The following ATP10D variants were observed in gnomAD, a reference collection of about 807,000 sequenced individuals.
ATP10D encodes ATPase phospholipid transporting 10D (putative).
ATP10D carries 89 observed loss-of-function variants against 144.8 expected under a neutral mutation model. The observed-to-expected ratio is 0.61, with a 90% CI of 0.52 to 0.73. ATP10D has a LOEUF of 0.73. Ranked by LOEUF, ATP10D falls within the 30% of genes least tolerant of loss-of-function variation. The pLI is 0.00. For missense variants in ATP10D, 1,603 were observed against 1,714.8 expected, an observed-to-expected ratio of 0.93 and a Z score of 1.15; for synonymous variants, 571 against 615.1, an observed-to-expected ratio of 0.93 and a Z score of 1.06.
intron 15 of ATP10D, among the ~76,000 whole-genome samples, chr4:47,566,329 TGCATTGGAATATACAAAG>T (rs1442896975): frequency 5.9e-5 from 9 of 152,232 alleles, no homozygotes; most frequent in Non-Finnish European, 1.0e-4. Flanking sequence ...AACTAGTTAC[TGCATTGGAATATACAAAG>T]GCCTTTCAGG....
chr4:47,524,087 C>T (rs931470273), intron 4 of ATP10D, among the ~76,000 whole-genome samples: 10 of 152,038 alleles, frequency 6.6e-5, no homozygotes, highest in East Asian at 3.9e-4. Context: ...CCACCATGCC[C>T]GGCTAATTTT....
intron 1 of ATP10D, among the ~76,000 whole-genome samples, chr4:47,495,969 T>C (rs4254744): frequency 0.76 from 114,931 of 151,644 alleles, 44,012 homozygotes; most frequent in Non-Finnish European, 0.8. Context: ...ACTCCTGACC[T>C]GAGGTGATCT....
In ATP10D at chr4:47,536,117, G is replaced by C. The variant is rs532511637; in HGVS notation, c.1015+84G>C. ...TTCAAAATTATATCTGTGAATATTT[G>C]ACTTTGGTAAGGTGGATTTTGTCAG... On this transcript the variant is annotated intron_variant, in intron 7 of 22. Coordinates refer to ENST00000273859, the MANE Select transcript of ATP10D (RefSeq NM_020453.4). 8 of 1,485,096 alleles carry C rather than the reference G, an allele frequency of 5.4e-6. No homozygotes were observed. The South Asian group carries it at 9.1e-5, about 17-fold the overall frequency. The allele number at this position is 1,485,096 out of a possible 1,614,324, so 92.0% of individuals were successfully genotyped here.
At chr4:47,559,965 A>C (rs887639371) in intron 13 of ATP10D, among the ~76,000 whole-genome samples, 3 of 152,124 alleles carry the variant, frequency 2.0e-5, no homozygotes, top group African/African-American at 7.2e-5. Flanking sequence ...GCGCCACTGC[A>C]CTCCAGCCTG....
rs565083962 is a variant in ATP10D, at chr4:47,574,704, A to G, written c.3366+1707A>G. On this transcript the variant is annotated intron_variant, in intron 18 of 22. Transcript: ENST00000273859. ...GATCAAGAAATTCAAAATCTAGTCTAAGGATTGTGGCCCTTGTCCTGAGGT... is the reference window on the plus strand; with the variant it reads ...GATCAAGAAATTCAAAATCTAGTCTGAGGATTGTGGCCCTTGTCCTGAGGT... 2.1e-4 allele frequency among the ~76,000 whole-genome samples: 32 copies of G among 152,268 alleles called. No individual in the cohort carries two copies. In the South Asian group the frequency reaches 6.6e-3, roughly 32 times the overall value.
chr4:47,560,529 C>A (rs1337594294), intron 13 of ATP10D, among the ~76,000 whole-genome samples: 1 of 152,086 alleles, frequency 6.6e-6, no homozygotes, highest in Non-Finnish European at 1.5e-5. Context: ...AAAAAAACAT[C>A]AAAAGGTATG....
chr4:47,562,135 C>T (rs1719347308), intron 14 of ATP10D, among the ~76,000 whole-genome samples: 1 of 152,084 alleles, frequency 6.6e-6, no homozygotes, highest in Non-Finnish European at 1.5e-5. Flanking sequence ...TAGTTATTAT[C>T]CTAATTTAGG....
At chr4:47,578,710 T>A (rs1720360258) in intron 19 of ATP10D, among the ~76,000 whole-genome samples, 1 of 152,204 alleles carries the variant, frequency 6.6e-6, no homozygotes, top group African/African-American at 2.4e-5. Context: ...TGGATTGGGC[T>A]TCTGCTGAGA....
Position 47,512,790 on chromosome 4 carries a change from C to A in ATP10D, c.250C>A (p.Leu84Met). 1 of 1,604,266 alleles carries A rather than the reference C, an allele frequency of 6.2e-7. No homozygotes were observed. Among genetic ancestry groups the A allele is most frequent in the Non-Finnish European group, 8.5e-7 (1 of 1,172,022 alleles). ...NRIRTTKYTL[L>M]NFVPRNLFEQ... is the part of the protein sequence containing the mutation. ...AATACGAACAACAAAGTACACACTT[C>A]TGAATTTTGTGCCAAGAAATTTATT... The change falls in exon 2 of 23, where the codon CTG (leucine) becomes ATG (methionine). Residue 84 changes from leucine (L) to methionine (M), a missense_variant. Physicochemically the swap from Leu to Met is conservative, Grantham distance 15 (BLOSUM62 2). Coordinates refer to ENST00000273859, the MANE Select transcript of ATP10D (RefSeq NM_020453.4).
chr4:47,491,838 G>A (rs1320940071), intron 1 of ATP10D, among the ~76,000 whole-genome samples: 3 of 151,850 alleles, frequency 2.0e-5, no homozygotes, highest in Non-Finnish European at 4.4e-5. Flanking sequence ...CTCTGACCTC[G>A]TACCATGCTT....
At chr4:47,530,551 G>A (rs1717513980) in intron 5 of ATP10D, among the ~76,000 whole-genome samples, 2 of 152,084 alleles carry the variant, frequency 1.3e-5, no homozygotes, top group African/African-American at 2.4e-5. Context: ...CCACCTCCTG[G>A]TTCAAGCAAC....
At chr4:47,537,128 A>G (rs892366081) in intron 9 of ATP10D, among the ~76,000 whole-genome samples, 190 bp downstream of exon 9, 1 of 152,188 alleles carries the variant, frequency 6.6e-6, no homozygotes, top group Admixed American at 6.6e-5. Context: ...CAAGGAGTCT[A>G]CTGCCATGGT....
In ATP10D at chr4:47,558,135, C is replaced by T; in HGVS notation, c.2296C>T (p.Leu766Phe). Residue 766 changes from leucine (L) to phenylalanine (F), a missense_variant, in exon 12 of 23, where the codon CTC (leucine) becomes TTC (phenylalanine). Leu to Phe is a conservative substitution (Grantham distance 22, BLOSUM62 0). Coordinates refer to ENST00000273859, the MANE Select transcript of ATP10D (RefSeq NM_020453.4). ...FAALGPLTFQ[L>F]LHILPFDSVR... ...TGCTTTGGGACCATTAACATTTCAACTCCTACACATCCTGCCCTTTGACTC... is the reference window on the plus strand; with the variant it reads ...TGCTTTGGGACCATTAACATTTCAATTCCTACACATCCTGCCCTTTGACTC... The T allele has an allele frequency of 1.2e-6, 2 of 1,614,218 alleles. No homozygotes were observed. The highest frequency in any genetic ancestry group is 1.7e-6 in the Non-Finnish European group (2 of 1,180,032).
chr4:47,587,317 A>G, intron 22 of ATP10D, 111 bp downstream of exon 22: 1 of 975,158 alleles, frequency 1.0e-6, no homozygotes, highest in Non-Finnish European at 1.5e-6. Context: ...TAGTAGTGAG[A>G]AAGTCAATTT....
intron 16 of ATP10D, among the ~76,000 whole-genome samples, chr4:47,569,504 A>G (rs1227344789): frequency 6.6e-6 from 1 of 152,184 alleles, no homozygotes; most frequent in East Asian, 1.9e-4. Flanking sequence ...ATGAGAATTC[A>G]TTTCTTTATC....
chr4:47,530,493 A>G (rs1429064607), intron 5 of ATP10D, among the ~76,000 whole-genome samples: 2 of 151,778 alleles, frequency 1.3e-5, no homozygotes, highest in Non-Finnish European at 1.5e-5. Context: ...GTCTCACTCT[A>G]TTTCCCAGGC....
chr4:47,574,983 G>GT (rs1160481094), intron 18 of ATP10D, among the ~76,000 whole-genome samples: 2 of 151,516 alleles, frequency 1.3e-5, no homozygotes, highest in African/African-American at 2.4e-5. Flanking sequence ...GTTTGGTTTG[G>GT]TTTTTTTTGC....
chr4:47,513,244 C>T (rs772264797), intron 2 of ATP10D, among the ~76,000 whole-genome samples: 2 of 152,102 alleles, frequency 1.3e-5, no homozygotes, highest in African/African-American at 2.4e-5. Flanking sequence ...GAAGCCAGTG[C>T]AGATGTCAGA....
intron 18 of ATP10D, among the ~76,000 whole-genome samples, chr4:47,573,423 CAG>C (rs1281578912): frequency 2.0e-5 from 3 of 152,224 alleles, no homozygotes; most frequent in African/African-American, 7.2e-5. Context: ...AATAAAGACA[CAG>C]ATACAGATGA....
Sources: gnomAD v4.1 joint callset for allele counts (sites outside exome capture counted in the v4.1 genomes callset) on GRCh38, gnomAD v4.1.1 for gene constraint, MANE v1.5 for transcripts, NCBI Gene and HGNC (gene_info 2026-07-23, HGNC 2026-07-21) for gene names.